Variants in XPNPEP1 observed in about 807,000 individuals in gnomAD.
XPNPEP1 encodes X-prolyl aminopeptidase 1, also known as xaa-Pro aminopeptidase 1.
A neutral mutation model predicts 92.4 loss-of-function variants in XPNPEP1; 39 were observed. The ratio of observed to expected loss-of-function variants is 0.42; its 90% CI spans 0.33 to 0.55. The LOEUF (loss-of-function observed/expected upper bound fraction) is 0.55. Among genes scored for constraint, XPNPEP1 ranks in the 20% least tolerant of loss-of-function variants. The pLI is 0.08. For synonymous variants in XPNPEP1, 307 were observed against 299.4 expected (o/e 1.03, Z -0.26); for missense variants, 654 against 856.1 (o/e 0.76, Z 2.95).
Position 109,923,351 on chromosome 10 carries a change from A to C in XPNPEP1, c.32+51T>G, listed in dbSNP as rs1010115453. The C allele has an allele frequency of 7.8e-5, 110 of 1,403,228 alleles. No homozygotes were observed. The African/African-American group carries it at 1.5e-3, about 19-fold the overall frequency. 86.9% of individuals were successfully genotyped at this position (1,403,228 alleles called of 1,614,324 possible). ...CGAGGTGCAACACGCGCGGCCGCGC[A>C]GCGAGGGCTGCACGCTGCCCGGACG... On this transcript the variant is annotated intron_variant, in intron 1 of 20. Coordinates refer to ENST00000502935, the MANE Select transcript of XPNPEP1 (RefSeq NM_020383.4).
chr10:109,914,708 A>C (rs1433120155), intron 2 of XPNPEP1, among the ~76,000 whole-genome samples: 1 of 151,306 alleles, frequency 6.6e-6, no homozygotes, highest in African/African-American at 2.4e-5. Flanking sequence ...AGGCAGGAGA[A>C]TCGCTTGAAC....
chr10:109,907,796 C>T lies in XPNPEP1; in HGVS notation c.141G>A (p.Lys47=). The change falls in exon 3 of 21, where the codon AAG becomes AAA. Residue 47 remains lysine (K), a synonymous_variant. Transcript: ENST00000502935. ...GCTGCCGAAGCAGCTCTGAAGTCAC[C>T]TTTGGAGGCATTCTGCCGTCTGCAA... ...GVETDGRMPP[K]VTSELLRQLR... 6.2e-7 allele frequency: 1 copy of T among 1,614,218 alleles called. No homozygotes were observed. Among genetic ancestry groups the T allele is most frequent in the Non-Finnish European group, 8.5e-7 (1 of 1,180,024 alleles).
intron 12 of XPNPEP1, among the ~76,000 whole-genome samples, chr10:109,878,648 G>C (rs1051596893): frequency 6.6e-6 from 1 of 152,160 alleles, no homozygotes; most frequent in African/African-American, 2.4e-5. Flanking sequence ...AGCACTTTGG[G>C]AGGCCAAGAT....
At chr10:109,874,044 A>C (rs944502542) in intron 15 of XPNPEP1, among the ~76,000 whole-genome samples, 6 of 152,224 alleles carry the variant, frequency 3.9e-5, no homozygotes, top group African/African-American at 1.4e-4. Flanking sequence ...ATGTTCTAAA[A>C]TTGATTGTGC....
chr10:109,879,220 C>T (rs1245843), intron 12 of XPNPEP1, among the ~76,000 whole-genome samples: 72,520 of 149,662 alleles, frequency 0.48, 18,691 homozygotes, highest in Non-Finnish European at 0.6. Flanking sequence ...CCAGCCTGGG[C>T]GATGGAGCAA....
chr10:109,892,873 AC>A (rs765685311), intron 4 of XPNPEP1, 138 bp downstream of exon 4: 240 of 795,398 alleles, frequency 3.0e-4, no homozygotes, highest in Non-Finnish European at 4.5e-4. Context: ...GGGAACCCAC[AC>A]CTTTCTGCAG....
rs113603529 is a variant in XPNPEP1 at position 109,907,830 on chromosome 10, G to C, written c.122-15C>G. On this transcript the variant is annotated splice_polypyrimidine_tract_variant and intron_variant, in intron 2 of 20. Transcript: ENST00000502935. ...CATTCTGCCGTCTGCAACAACAGGA[G>C]AGCAAATTTCAAAACCAGCCTGCCC... 2.5e-6 allele frequency: 4 copies of C among 1,613,546 alleles called. No individual in the cohort carries two copies. Among genetic ancestry groups the C allele is most frequent in the African/African-American group, 1.3e-5 (1 of 74,904 alleles).
chr10:109,870,598 A>G (rs1847401884), intron 18 of XPNPEP1, 133 bp downstream of exon 18: 2 of 1,199,650 alleles, frequency 1.7e-6, no homozygotes, highest in Non-Finnish European at 2.3e-6. Context: ...TATCAGTTCT[A>G]TAATCAGAAA....
At chr10:109,914,595 A>C (rs1489851325) in intron 2 of XPNPEP1, among the ~76,000 whole-genome samples, 3 of 151,350 alleles carry the variant, frequency 2.0e-5, no homozygotes, top group Non-Finnish European at 2.9e-5. Context: ...TCGGGAGTTC[A>C]AGACCAGCCT....
chr10:109,889,856 G>A (rs894058837), intron 5 of XPNPEP1, among the ~76,000 whole-genome samples: 3 of 152,182 alleles, frequency 2.0e-5, no homozygotes, highest in African/African-American at 7.2e-5. Context: ...AGAAGCTCAT[G>A]AATTCCAATT....
At chr10:109,889,545 A>G (rs1848586804) in intron 5 of XPNPEP1, among the ~76,000 whole-genome samples, 1 of 152,234 alleles carries the variant, frequency 6.6e-6, no homozygotes, top group South Asian at 2.1e-4. Context: ...TCTGTTTCTA[A>G]GACGCTAGTC....
intron 2 of XPNPEP1, among the ~76,000 whole-genome samples, chr10:109,909,462 T>C (rs1187146778): frequency 1.3e-5 from 2 of 152,248 alleles, no homozygotes; most frequent in African/African-American, 4.8e-5. Context: ...ACTCTGGTCC[T>C]ACTAGAAATT....
At position 109,888,560 on chromosome 10, in the gene XPNPEP1, C is replaced by A. The variant is rs892795342; in HGVS notation, c.451G>T (p.Val151Leu). Reference sequence around the variant, plus strand: ...CTGGATCCTTCAGGAAGCACACTCACCAGCCAGTCTTCCTGAGTTGGTGTG... The same window carrying A: ...CTGGATCCTTCAGGAAGCACACTCAACAGCCAGTCTTCCTGAGTTGGTGTG... ...KDTPTQEDWL[V>L]SVLPEGSRVG... is the part of the protein sequence containing the mutation. Residue 151 changes from valine to leucine, a missense_variant, in exon 6 of 21, where the codon GTG becomes TTG. Transcript: ENST00000502935. 6.2e-7 allele frequency: 1 copy of A among 1,611,294 alleles called. No homozygotes were observed. Among genetic ancestry groups the A allele is most frequent in the East Asian group, 2.2e-5 (1 of 44,798 alleles).
chr10:109,871,102 G>A (rs746917608), intron 17 of XPNPEP1, 198 bp from the exon 18 acceptor site: 23 of 558,180 alleles, frequency 4.1e-5, no homozygotes, highest in African/African-American at 1.1e-4. Flanking sequence ...GAAGCTAGGC[G>A]ATCATCCATT....
At chr10:109,868,098 C>T (rs1305913968) in intron 20 of XPNPEP1, among the ~76,000 whole-genome samples, 2 of 152,162 alleles carry the variant, frequency 1.3e-5, no homozygotes, top group Non-Finnish European at 2.9e-5. Context: ...CCCAGAGTGA[C>T]CACAGTAGTA....
At chr10:109,868,424 T>A (rs1847260908) in intron 20 of XPNPEP1, among the ~76,000 whole-genome samples, 190 bp downstream of exon 20, 1 of 151,388 alleles carries the variant, frequency 6.6e-6, no homozygotes, top group Non-Finnish European at 1.5e-5. Context: ...GCCCAACAAA[T>A]ACAGGAAAAG....
At chr10:109,896,432 C>CTT (rs1848995525) in intron 3 of XPNPEP1, among the ~76,000 whole-genome samples, 3 of 73,076 alleles carry the variant, frequency 4.1e-5, no homozygotes, top group South Asian at 6.7e-4. Flanking sequence ...CAGGCACACA[C>CTT]CTTTTTTTTT....
At chr10:109,923,197 C>T (rs1242983077) in intron 1 of XPNPEP1, 1 of 985,222 alleles carries the variant, frequency 1.0e-6, no homozygotes, top group African/African-American at 1.7e-5. Context: ...CACCGACCCT[C>T]CGGAAACGAA....
intron 1 of XPNPEP1, among the ~76,000 whole-genome samples, chr10:109,921,665 C>G (rs553405234): frequency 6.6e-6 from 1 of 152,342 alleles, no homozygotes; most frequent in East Asian, 1.9e-4. Flanking sequence ...TTGTCTTTGT[C>G]TACCCAGAAT....
Sources: allele counts gnomAD v4.1 joint callset (sites outside exome capture counted in the v4.1 genomes callset), GRCh38; gene constraint gnomAD v4.1.1; transcripts MANE v1.5; gene names NCBI Gene and HGNC (gene_info 2026-07-23, HGNC 2026-07-21).